PRKN: variants seen among roughly 807,000 people sequenced by gnomAD.
PRKN encodes E3 ubiquitin-protein ligase parkin.
In PRKN, 56 loss-of-function variants were observed where a neutral mutation model predicts 59.5. The ratio of observed to expected loss-of-function variants is 0.94; its 90% CI spans 0.76 to 1.18. PRKN has a LOEUF of 1.18. PRKN is among the 50% of genes most tolerant of loss of function. The pLI, the probability that PRKN is intolerant of heterozygous loss-of-function variation, is 0.00. For synonymous variants in PRKN, 250 were observed against 222.1 expected (o/e 1.13, Z -1.12); for missense variants, 657 against 596.4 (o/e 1.10, Z -1.06).
chr6:162,718,304 T>C (rs1778803187), intron 1 of PRKN, among the ~76,000 whole-genome samples: 1 of 152,166 alleles, frequency 6.6e-6, no homozygotes, highest in South Asian at 2.1e-4. Context: ...CATAAGATGA[T>C]TAAATTGGCT....
intron 9 of PRKN, among the ~76,000 whole-genome samples, chr6:161,449,051 G>A (rs1208576924): frequency 1.3e-5 from 2 of 152,264 alleles, no homozygotes; most frequent in East Asian, 3.9e-4. Context: ...ATCAGGGCTC[G>A]GGTAAGAACA....
At chr6:162,588,751 C>T (rs949800721) in intron 1 of PRKN, among the ~76,000 whole-genome samples, 6 of 151,952 alleles carry the variant, frequency 3.9e-5, no homozygotes, top group African/African-American at 1.5e-4. Flanking sequence ...CTGGGTTTCA[C>T]CGTGTTAGCC....
intron 7 of PRKN, among the ~76,000 whole-genome samples, chr6:161,755,216 C>G (rs1446910345): frequency 6.6e-6 from 1 of 152,128 alleles, no homozygotes. Context: ...AGGTGCATGA[C>G]AGAAAGCGTT....
chr6:161,376,472 C>T lies in PRKN; in HGVS notation c.1167+10322G>A, dbSNP rs1022495923. Among the ~76,000 whole-genome samples the T allele has an allele frequency of 6.6e-6, 1 of 152,214 alleles. No individual in the cohort carries two copies. The highest frequency in any genetic ancestry group is 1.5e-5 in the Non-Finnish European group (1 of 68,030). ...TCAACATTAACCCGTCTCCTCTCAT[C>T]CTGTCTTCTAATCCACTGCCAAGTT... On this transcript the variant is annotated intron_variant, in intron 10 of 11. Transcript: ENST00000366898. This position sits in a 1 kb window ranked among gnomAD's most constrained non-coding sequence, Gnocchi z 7.3.
chr6:161,431,088 G>A (rs939045514), intron 9 of PRKN, among the ~76,000 whole-genome samples: 5 of 146,942 alleles, frequency 3.4e-5, no homozygotes, highest in African/African-American at 7.6e-5. Flanking sequence ...GAAACGAGTC[G>A]AGATCACTCC....
chr6:162,485,906 A>G (rs1425918471), intron 1 of PRKN, among the ~76,000 whole-genome samples: 2 of 152,172 alleles, frequency 1.3e-5, no homozygotes, highest in African/African-American at 4.8e-5. Context: ...ATCCTAAAGA[A>G]CCATAATCTT....
chr6:161,686,212 T>C (rs2128173926), intron 7 of PRKN, among the ~76,000 whole-genome samples: 1 of 152,286 alleles, frequency 6.6e-6, no homozygotes, highest in East Asian at 1.9e-4. Context: ...TAATTATCAA[T>C]GCCACCTTTC....
chr6:161,378,682 C>T lies in PRKN; in HGVS notation c.1167+8112G>A, dbSNP rs1785835044. On this transcript the variant is annotated intron_variant, in intron 10 of 11. Transcript: ENST00000366898. The surrounding 1 kb of genome is among the most constrained non-coding windows in gnomAD (Gnocchi z 7.3). ...ACTGGTCCTGTCACACATCCTACTGCCCAGAAGCTGTTGACCTGATGAGAC... is the reference window on the plus strand; with the variant it reads ...ACTGGTCCTGTCACACATCCTACTGTCCAGAAGCTGTTGACCTGATGAGAC... Among the ~76,000 whole-genome samples the T allele has an allele frequency of 6.6e-6, 1 of 152,200 alleles. No homozygotes were observed. The highest frequency in any genetic ancestry group is 2.4e-5 in the African/African-American group (1 of 41,444).
chr6:161,426,932 G>C (rs1426055404), intron 9 of PRKN, among the ~76,000 whole-genome samples: 1 of 152,012 alleles, frequency 6.6e-6, no homozygotes, highest in East Asian at 1.9e-4. Flanking sequence ...TGTTAGCCAG[G>C]ATGGTCTCGA....
chr6:162,272,355 TTC>T (rs1241967941), intron 2 of PRKN, among the ~76,000 whole-genome samples: 1 of 152,194 alleles, frequency 6.6e-6, no homozygotes, highest in African/African-American at 2.4e-5. Flanking sequence ...CAAGTATCAC[TTC>T]TTTTTTCTTT....
rs562918646 is a variant in PRKN at position 161,472,694 on chromosome 6, C to T, written c.1083+76160G>A. 6.6e-5 allele frequency among the ~76,000 whole-genome samples: 10 copies of T among 152,106 alleles called. No homozygotes were observed. The South Asian group carries it at 1.0e-3, about 16-fold the overall frequency. ...AGCTTCTGCACAGCAAAGGAAGCAA[C>T]GAACAGAATCAAAAGGCAGCTTACA... On this transcript the variant is annotated intron_variant, in intron 9 of 11. Transcript: ENST00000366898.
At chr6:162,271,775 G>A (rs1215651048) in intron 2 of PRKN, among the ~76,000 whole-genome samples, 1 of 151,966 alleles carries the variant, frequency 6.6e-6, no homozygotes, top group African/African-American at 2.4e-5. Context: ...TATATTAATT[G>A]GATGAGAACA....
chr6:162,571,490 C>T (rs976651831), intron 1 of PRKN, among the ~76,000 whole-genome samples: 3 of 152,126 alleles, frequency 2.0e-5, no homozygotes, highest in Non-Finnish European at 2.9e-5. Context: ...ATTAAAACTG[C>T]TTTGACAAAC....
chr6:161,822,679 A>G (rs985236118), intron 6 of PRKN, among the ~76,000 whole-genome samples: 11 of 152,208 alleles, frequency 7.2e-5, no homozygotes, highest in African/African-American at 2.7e-4. Flanking sequence ...CTGTCAAAAA[A>G]AAAAGACAAA....
In PRKN at chr6:162,294,189, G is replaced by A. The variant is rs1004098385; in HGVS notation, c.172-31424C>T. Among the ~76,000 whole-genome samples the A allele has an allele frequency of 1.1e-4, 17 of 152,184 alleles. 1 individual carries two copies. Among genetic ancestry groups the A allele is most frequent in the African/African-American group, 2.6e-4 (11 of 41,546 alleles). ...GTACTAAGAGTTCATGAAAGCCCCCGGTGCTGAGGAATCAGCTGGAACCCT... is the reference window on the plus strand; with the variant it reads ...GTACTAAGAGTTCATGAAAGCCCCCAGTGCTGAGGAATCAGCTGGAACCCT... On this transcript the variant is annotated intron_variant, in intron 2 of 11. Transcript: ENST00000366898.
rs1393180731 is a variant in PRKN, at chr6:162,405,553, AT to A, written c.171+37756del. On this transcript the variant is annotated intron_variant, in intron 2 of 11. Transcript: ENST00000366898. Reference sequence around the variant, plus strand: ...TGAAGTGAACCGTGTCACCCCCAACATTTACATGCTAAAGCTCTAAACTCAG... The same window carrying A: ...TGAAGTGAACCGTGTCACCCCCAACATTACATGCTAAAGCTCTAAACTCAG... 1.4e-4 allele frequency among the ~76,000 whole-genome samples: 22 copies of A among 152,266 alleles called. No homozygotes were observed. The East Asian group carries it at 3.3e-3, about 23-fold the overall frequency.
chr6:162,605,191 G>A (rs1238462084), intron 1 of PRKN, among the ~76,000 whole-genome samples: 1 of 151,988 alleles, frequency 6.6e-6, no homozygotes, highest in Admixed American at 6.6e-5. Flanking sequence ...TGAATATGAA[G>A]GCTAAAATAT....
intron 5 of PRKN, among the ~76,000 whole-genome samples, chr6:161,975,930 G>C (rs1781013836): frequency 1.3e-5 from 2 of 152,082 alleles, no homozygotes; most frequent in South Asian, 4.2e-4. Flanking sequence ...TTTTGAGACA[G>C]AGTCTCACTC....
At chr6:162,420,213 T>C (rs1788884753) in intron 2 of PRKN, among the ~76,000 whole-genome samples, 1 of 150,256 alleles carries the variant, frequency 6.7e-6, no homozygotes, top group African/African-American at 2.5e-5. Flanking sequence ...CATTAGATTC[T>C]CATAAGGAGC....
Sources: gnomAD v4.1 joint callset for allele counts (sites outside exome capture counted in the v4.1 genomes callset) on GRCh38, gnomAD v4.1.1 for gene constraint, Gnocchi (gnomAD v3.1) non-coding constraint, MANE v1.5 for transcripts, NCBI Gene and HGNC (gene_info 2026-07-23, HGNC 2026-07-21) for gene names.